ZNF804B: variants seen among roughly 807,000 people sequenced by gnomAD.
ZNF804B encodes zinc finger protein 804B.
ZNF804B carries 80 observed loss-of-function variants against 101.4 expected under a neutral mutation model. The observed-to-expected ratio is 0.79, with a 90% confidence interval of 0.66 to 0.95. ZNF804B has a LOEUF of 0.95. Ranked by LOEUF, ZNF804B falls within the 40% of genes least tolerant of loss-of-function variation. The pLI, the probability that ZNF804B is intolerant of heterozygous loss-of-function variation, is 0.00. For synonymous variants in ZNF804B, 622 were observed against 558.8 expected (o/e 1.11, Z -1.59); for missense variants, 1,673 against 1,561.9 (o/e 1.07, Z -1.20).
intron 1 of ZNF804B, among the ~76,000 whole-genome samples, chr7:88,771,035 C>T (rs1005481870): frequency 6.6e-6 from 1 of 152,124 alleles, no homozygotes; most frequent in African/African-American, 2.4e-5. Flanking sequence ...CTCAGTACAA[C>T]ACTATCATAT....
chr7:89,063,146 A>G (rs1052355312), intron 1 of ZNF804B, among the ~76,000 whole-genome samples: 1 of 152,156 alleles, frequency 6.6e-6, no homozygotes, highest in African/African-American at 2.4e-5. Flanking sequence ...TTGTTCAACT[A>G]TAGTAGAAGT....
chr7:89,319,324 C>A (rs550580019), intron 2 of ZNF804B, among the ~76,000 whole-genome samples: 2 of 152,222 alleles, frequency 1.3e-5, no homozygotes, highest in East Asian at 3.9e-4. Context: ...ACAACTTCTC[C>A]TTTACCATAA....
rs746570645 is a variant in ZNF804B, at chr7:89,218,253, G to A, written c.207G>A (p.Glu69=). 77 of 1,613,598 alleles carry A rather than the reference G, an allele frequency of 4.8e-5. No individual in the cohort carries two copies. The highest frequency in any genetic ancestry group is 6.4e-5 in the Non-Finnish European group (75 of 1,179,804). The change falls in exon 2 of 4, where the codon GAG becomes GAA. Residue 69 remains glutamate (E), a synonymous_variant. Coordinates refer to ENST00000333190, the MANE Select transcript of ZNF804B (RefSeq NM_181646.5). ...ACAAGCAGTATCACAAACACCAGGA[G>A]TTTGACAATCATATTAATTCTTATG... ...LCDKQYHKHQ[E]FDNHINSYDH... is the part of the protein sequence containing the mutation.
intron 1 of ZNF804B, among the ~76,000 whole-genome samples, chr7:88,838,828 C>T (rs1427684256): frequency 3.3e-5 from 5 of 151,898 alleles, no homozygotes; most frequent in Non-Finnish European, 7.4e-5. Context: ...AGAAACCTGC[C>T]CTTAACATAG....
intron 2 of ZNF804B, among the ~76,000 whole-genome samples, chr7:89,265,107 A>G (rs1010260181): frequency 4.6e-5 from 7 of 152,184 alleles, no homozygotes; most frequent in African/African-American, 1.7e-4. Flanking sequence ...GGCTGCCAAG[A>G]GTACAAAGTT....
intron 2 of ZNF804B, among the ~76,000 whole-genome samples, chr7:89,252,687 G>T (rs1789561159): frequency 2.0e-5 from 3 of 152,170 alleles, no homozygotes; most frequent in African/African-American, 7.2e-5. Flanking sequence ...ATACACCATA[G>T]AATACTATGC....
At chr7:89,012,809 C>G (rs906959936) in intron 1 of ZNF804B, among the ~76,000 whole-genome samples, 1 of 152,162 alleles carries the variant, frequency 6.6e-6, no homozygotes, top group Non-Finnish European at 1.5e-5. Flanking sequence ...ACAGCCAACG[C>G]CCCACTACTC....
intron 1 of ZNF804B, among the ~76,000 whole-genome samples, chr7:88,975,294 TA>T (rs996543205): frequency 4.0e-5 from 6 of 151,404 alleles, no homozygotes; most frequent in African/African-American, 1.5e-4. Flanking sequence ...GGTATATTCC[TA>T]GCTGTGGGAT....
intron 1 of ZNF804B, among the ~76,000 whole-genome samples, chr7:89,040,072 ACT>A (rs1261726000): frequency 1.3e-5 from 2 of 151,810 alleles, no homozygotes; most frequent in Non-Finnish European, 2.9e-5. Flanking sequence ...ATACTTTTAT[ACT>A]TTTTCTCTTT....
intron 1 of ZNF804B, among the ~76,000 whole-genome samples, chr7:89,032,851 A>G (rs1788860066): frequency 6.6e-6 from 1 of 152,094 alleles, no homozygotes. Flanking sequence ...TATTTATGGC[A>G]TACAAGGTGA....
intron 2 of ZNF804B, among the ~76,000 whole-genome samples, chr7:89,302,037 T>C (rs893638436): frequency 6.6e-6 from 1 of 151,966 alleles, no homozygotes; most frequent in Non-Finnish European, 1.5e-5. Flanking sequence ...TTGAATGTGA[T>C]GTTATATATT....
chr7:89,292,059 A>C (rs765388740), intron 2 of ZNF804B, among the ~76,000 whole-genome samples: 6 of 152,146 alleles, frequency 3.9e-5, no homozygotes, highest in Non-Finnish European at 8.8e-5. Flanking sequence ...AATTCTTCAA[A>C]AATGAAAGAG....
intron 2 of ZNF804B, among the ~76,000 whole-genome samples, chr7:89,324,843 T>C (rs576558214): frequency 1.3e-5 from 2 of 152,028 alleles, no homozygotes; most frequent in Admixed American, 1.3e-4. Context: ...TTTTTTGTAT[T>C]GCAATACATA....
chr7:88,941,700 A>T (rs541534953), intron 1 of ZNF804B, among the ~76,000 whole-genome samples: 1 of 152,108 alleles, frequency 6.6e-6, no homozygotes, highest in East Asian at 1.9e-4. Flanking sequence ...GTCATTATAC[A>T]TTCGTCAAAA....
chr7:89,229,021 G>T (rs556782842), intron 2 of ZNF804B, among the ~76,000 whole-genome samples: 8 of 152,182 alleles, frequency 5.3e-5, no homozygotes, highest in Non-Finnish European at 8.8e-5. Flanking sequence ...GCTGCTCCGA[G>T]TGTGGGGCCC....
intron 1 of ZNF804B, among the ~76,000 whole-genome samples, chr7:89,209,548 A>G (rs1342329141): frequency 6.6e-6 from 1 of 152,244 alleles, no homozygotes; most frequent in African/African-American, 2.4e-5. Context: ...ACTTTAGGAA[A>G]ACTCTTCAAT....
chr7:89,220,192 TCCTTGGGA>T (rs1158829498), intron 2 of ZNF804B, among the ~76,000 whole-genome samples: 1 of 148,966 alleles, frequency 6.7e-6, no homozygotes, highest in African/African-American at 2.5e-5. Context: ...TATATATATA[TCCTTGGGA>T]AATGCCAGCC....
chr7:89,263,529 T>C (rs1289752177), intron 2 of ZNF804B, among the ~76,000 whole-genome samples: 1 of 151,994 alleles, frequency 6.6e-6, no homozygotes, highest in East Asian at 1.9e-4. Flanking sequence ...TATGTTGAAA[T>C]AGAATTCAAT....
chr7:88,907,501 G>T (rs1319731184), intron 1 of ZNF804B, among the ~76,000 whole-genome samples: 2 of 151,954 alleles, frequency 1.3e-5, no homozygotes, highest in Admixed American at 1.3e-4. Context: ...AGCTAACATT[G>T]CTATAGCATT....
Sources: allele counts gnomAD v4.1 joint callset (sites outside exome capture counted in the v4.1 genomes callset), GRCh38; gene constraint gnomAD v4.1.1; transcripts MANE v1.5; gene names NCBI Gene and HGNC (gene_info 2026-07-23, HGNC 2026-07-21).